ATP2B1: variants seen among roughly 807,000 people sequenced by gnomAD.
ATP2B1 encodes plasma membrane calcium-transporting ATPase 1.
ATP2B1 carries 14 observed loss-of-function variants against 124.2 expected under a neutral mutation model. The ratio of observed to expected loss-of-function variants is 0.11; its 90% CI spans 0.07 to 0.18. The LOEUF (loss-of-function observed/expected upper bound fraction) is 0.18, where lower values mean the gene tolerates loss of function less well. Among genes scored for constraint, ATP2B1 ranks in the 10% least tolerant of loss-of-function variants. The pLI, the probability that ATP2B1 is intolerant of heterozygous loss-of-function variation, is 1.00. For synonymous variants in ATP2B1, 449 were observed against 492.4 expected (o/e 0.91, Z 1.17); for missense variants, 763 against 1,466.1 (o/e 0.52, Z 7.83).
At chr12:89,617,105 G>A (rs1029035839) in intron 11 of ATP2B1, 66 bp from the exon 12 acceptor site, 1 of 1,199,566 alleles carries the variant, frequency 8.3e-7, no homozygotes, top group Non-Finnish European at 1.2e-6. Flanking sequence ...CCATTTAAGT[G>A]AACTGGCAGG....
At chr12:89,674,623 G>T (rs1329582854) in intron 1 of ATP2B1, among the ~76,000 whole-genome samples, 1 of 152,138 alleles carries the variant, frequency 6.6e-6, no homozygotes, top group Non-Finnish European at 1.5e-5. Context: ...CATTTCAACA[G>T]CGTTTTTGGT....
At chr12:89,635,399 A>G (rs1882541223) in intron 3 of ATP2B1, 148 bp from the exon 4 acceptor site, 2 of 1,027,980 alleles carry the variant, frequency 1.9e-6, no homozygotes, top group Non-Finnish European at 2.7e-6. Context: ...AAAGTATTCC[A>G]TAAGAACTCT....
chr12:89,605,479 G>C (rs1456223013), intron 15 of ATP2B1, among the ~76,000 whole-genome samples: 1 of 152,078 alleles, frequency 6.6e-6, no homozygotes, highest in African/African-American at 2.4e-5. Flanking sequence ...GTGTTCTCTT[G>C]CCCTTCTCCC....
intron 2 of ATP2B1, among the ~76,000 whole-genome samples, chr12:89,646,156 G>A (rs1884424929): frequency 6.6e-6 from 1 of 152,096 alleles, no homozygotes; most frequent in Non-Finnish European, 1.5e-5. Context: ...CATATTCCAA[G>A]ACAGGCAATT....
chr12:89,673,122 C>T (rs1185428772), intron 1 of ATP2B1, among the ~76,000 whole-genome samples: 1 of 152,166 alleles, frequency 6.6e-6, no homozygotes, highest in Non-Finnish European at 1.5e-5. Flanking sequence ...AACTGGTGAG[C>T]TGGAGAAGCT....
rs1883693367 is a variant in ATP2B1, at chr12:89,642,444, T to C, written c.209-89A>G. 5 of 1,215,968 alleles carry C rather than the reference T, an allele frequency of 4.1e-6. No homozygotes were observed. The Admixed American group carries it at 6.7e-5, about 16-fold the overall frequency. 75.3% of individuals were successfully genotyped at this position (1,215,968 alleles called of 1,614,324 possible). A position where few individuals can be genotyped will look rare whatever the true frequency, so the allele number is the denominator to read the frequency against. On this transcript the variant is annotated intron_variant, in intron 2 of 20. Transcript: ENST00000428670. ...TATTCAAAATACCTCAACTCATCAC[T>C]CTAGACCCTACCAAAATGTTTACTT...
At chr12:89,635,705 C>G (rs1214541747) in intron 3 of ATP2B1, among the ~76,000 whole-genome samples, 1 of 152,176 alleles carries the variant, frequency 6.6e-6, no homozygotes, top group East Asian at 1.9e-4. Flanking sequence ...ATATGATAGA[C>G]AAGATATACA....
At chr12:89,645,318 T>A (rs1884273935) in intron 2 of ATP2B1, among the ~76,000 whole-genome samples, 1 of 152,222 alleles carries the variant, frequency 6.6e-6, no homozygotes, top group Non-Finnish European at 1.5e-5. Context: ...CTAAATATAA[T>A]AAAACGAACA....
At chr12:89,708,476 T>C (rs1173842115) in intron 1 of ATP2B1, 120 bp downstream of exon 1, 1 of 151,900 alleles carries the variant, frequency 6.6e-6, no homozygotes, top group Non-Finnish European at 1.5e-5. Flanking sequence ...CGCAACCCGC[T>C]GCGCACCCAG....
upstream of ATP2B1, chr12:89,708,870 A>AGGC (rs1205656049): frequency 6.6e-6 from 1 of 151,808 alleles, no homozygotes; most frequent in Non-Finnish European, 1.5e-5. Flanking sequence ...AAGGAGGAGG[A>AGGC]GGCGGCGCCC....
chr12:89,670,257 CA>C (rs1169731449), intron 1 of ATP2B1, among the ~76,000 whole-genome samples: 1 of 151,964 alleles, frequency 6.6e-6, no homozygotes, highest in Non-Finnish European at 1.5e-5. Flanking sequence ...AGCAATCCAA[CA>C]GATTCTTTTC....
intron 1 of ATP2B1, among the ~76,000 whole-genome samples, chr12:89,686,095 T>C (rs1281921172): frequency 6.6e-6 from 1 of 152,134 alleles, no homozygotes; most frequent in East Asian, 1.9e-4. Context: ...TTAATTTTAA[T>C]ATACTTTTTA....
At chr12:89,643,432 T>C (rs1033461411) in intron 2 of ATP2B1, among the ~76,000 whole-genome samples, 1 of 152,172 alleles carries the variant, frequency 6.6e-6, no homozygotes, top group Non-Finnish European at 1.5e-5. Context: ...GTCTCTGTTA[T>C]ACTTCGATTG....
At chr12:89,617,950 T>C (rs191556563) in intron 11 of ATP2B1, among the ~76,000 whole-genome samples, 2 of 152,202 alleles carry the variant, frequency 1.3e-5, no homozygotes, top group African/African-American at 2.4e-5. Context: ...GTCCTATACA[T>C]TTCTCCTCTG....
intron 1 of ATP2B1, among the ~76,000 whole-genome samples, chr12:89,677,971 T>TATACACACACACACACAC (rs1461216851): frequency 2.3e-4 from 12 of 52,316 alleles, no homozygotes; most frequent in Non-Finnish European, 4.0e-4. Flanking sequence ...TATATATATA[T>TATACACACACACACACAC]ACACACACAC....
Position 89,590,900 on chromosome 12 carries a change from G to C in ATP2B1, c.*84C>G. The C allele has an allele frequency of 7.8e-7, 1 of 1,279,908 alleles. No homozygotes were observed. The highest frequency in any genetic ancestry group is 1.1e-6 in the Non-Finnish European group (1 of 908,458). The allele number at this position is 1,279,908 out of a possible 1,614,324, so 79.3% of individuals were successfully genotyped here. The stretch of plus-strand genomic sequence containing the variant: ...TTGAAGTCCAAAGACAAGAATACTA[G>C]CTTGTCCATCACAATATGTGAAAAG... On this transcript the variant is annotated 3_prime_UTR_variant, in exon 21 of 21. Coordinates refer to ENST00000428670, the MANE Select transcript of ATP2B1 (RefSeq NM_001366521.1).
At chr12:89,596,557 CG>C (rs1874660088) in intron 20 of ATP2B1, among the ~76,000 whole-genome samples, 1 of 152,026 alleles carries the variant, frequency 6.6e-6, no homozygotes, top group Non-Finnish European at 1.5e-5. Context: ...TGATTATATA[CG>C]GGAATTCTTA....
chr12:89,591,406 G>A, intron 20 of ATP2B1, 111 bp from the exon 21 acceptor site: 1 of 918,482 alleles, frequency 1.1e-6, no homozygotes, highest in East Asian at 2.6e-5. Flanking sequence ...AATCATATTT[G>A]CATGTAATGC....
At chr12:89,671,192 A>C (rs1887933130) in intron 1 of ATP2B1, among the ~76,000 whole-genome samples, 2 of 152,088 alleles carry the variant, frequency 1.3e-5, no homozygotes, top group Non-Finnish European at 2.9e-5. Context: ...AAAGAGCAAA[A>C]TGGAGCCCAG....
Sources: allele counts gnomAD v4.1 joint callset (sites outside exome capture counted in the v4.1 genomes callset), GRCh38; gene constraint gnomAD v4.1.1; transcripts MANE v1.5; gene names NCBI Gene and HGNC (gene_info 2026-07-23, HGNC 2026-07-21).